Variants in MAP2K3 observed in about 807,000 individuals in gnomAD.
The protein encoded by MAP2K3 is dual specificity mitogen-activated protein kinase kinase 3.
A neutral mutation model predicts 46.4 loss-of-function variants in MAP2K3; 30 were observed. That is an observed-to-expected ratio of 0.65 (90% CI 0.48 to 0.88). MAP2K3 has a LOEUF of 0.88. Ranked by LOEUF, MAP2K3 falls within the 40% of genes least tolerant of loss-of-function variation. The probability of loss-of-function intolerance (pLI) is 0.00; values close to 1 mark genes in which losing one functional copy is unlikely to be tolerated. For synonymous variants in MAP2K3, 189 were observed against 176.3 expected (o/e 1.07, Z -0.57); for missense variants, 380 against 464.5 (o/e 0.82, Z 1.67).
In MAP2K3 at chr17:21,304,334, G is replaced by C. The variant is rs1031122516; in HGVS notation, c.569-92G>C. ...TGGGAGGGGGCACAGGAGGGGTCTT[G>C]GGCGAGGGAGGGGGGCACAGCTATG... On this transcript the variant is annotated intron_variant, in intron 7 of 11. Transcript: ENST00000342679. The C allele has an allele frequency of 1.4e-5, 23 of 1,598,384 alleles. No individual in the cohort carries two copies. In the Admixed American group the frequency reaches 3.7e-4, roughly 26 times the overall value.
rs1597815580 is a variant in MAP2K3 at position 21,300,247 on chromosome 17, AG to A, written c.166-297del. Among the ~76,000 whole-genome samples, 10 of 152,428 alleles carry A rather than the reference AG, an allele frequency of 6.6e-5. No individual in the cohort carries two copies. The East Asian group carries it at 1.9e-3, about 29-fold the overall frequency. On this transcript the variant is annotated intron_variant, in intron 3 of 11. Coordinates refer to ENST00000342679, the MANE Select transcript of MAP2K3 (RefSeq NM_145109.3). ...TAGCCAGCTGAGTGGGGTCGGGAAA[AG>A]AGGGACAGGGCACCTCTTTCTCAGA... is the stretch of plus-strand genomic sequence containing the variant.
At chr17:21,303,280 G>T (rs1976708373) in intron 7 of MAP2K3, 46 bp downstream of exon 7, 3 of 1,612,720 alleles carry the variant, frequency 1.9e-6, no homozygotes, top group Non-Finnish European at 2.5e-6. Context: ...CAGTGGGAGG[G>T]ATCCCAGGCC....
intron 3 of MAP2K3, among the ~76,000 whole-genome samples, chr17:21,299,159 A>T (rs1976445908): frequency 6.6e-6 from 1 of 152,304 alleles, no homozygotes; most frequent in Non-Finnish European, 1.5e-5. Flanking sequence ...GCGAGCCCAG[A>T]GCTGGTAGGA....
chr17:21,297,840 C>A (rs908909572), intron 1 of MAP2K3, among the ~76,000 whole-genome samples: 1 of 3,288 alleles, frequency 3.0e-4, no homozygotes, highest in Non-Finnish European at 7.1e-4. Flanking sequence ...GGGAGAGAAA[C>A]GGGCATCGGG....
In MAP2K3 at chr17:21,295,889, G is replaced by A. The variant is rs1040620310; in HGVS notation, c.50-2524G>A. ...ACCAAGAGCAGAGAGAGTGCAGGGA[G>A]GGTGTGGCGTGGACCCCACAGGGAA... On this transcript the variant is annotated intron_variant, in intron 1 of 11. Coordinates refer to ENST00000342679, the MANE Select transcript of MAP2K3 (RefSeq NM_145109.3). 2.4e-5 allele frequency: 31 copies of A among 1,279,064 alleles called. No individual in the cohort carries two copies. In the African/African-American group the frequency reaches 4.2e-4, roughly 18 times the overall value. The allele number at this position is 1,279,064 out of a possible 1,614,324, so 79.2% of individuals were successfully genotyped here.
rs55777930 is a variant in MAP2K3 at position 21,300,996 on chromosome 17, G to C, written c.399+3G>C. 1 of 1,600,008 alleles carries C rather than the reference G, an allele frequency of 6.2e-7. No homozygotes were observed. The highest frequency in any genetic ancestry group is 8.6e-7 in the Non-Finnish European group (1 of 1,167,312). ...TCTACGGGGCACTATTCAGAGAGGT[G>C]CGTCCTTGCATGATGCAGCTGGGGA... On this transcript the variant is annotated splice_donor_region_variant and intron_variant, in intron 5 of 11. Transcript: ENST00000342679.
At chr17:21,285,676 C>G (rs1975703723) in intron 1 of MAP2K3, among the ~76,000 whole-genome samples, 1 of 152,158 alleles carries the variant, frequency 6.6e-6, no homozygotes. Context: ...CGGCCTCTCT[C>G]TGTCTTGAGT....
intron 1 of MAP2K3, chr17:21,288,053 C>T (rs535059033): frequency 4.0e-5 from 51 of 1,289,182 alleles, no homozygotes; most frequent in Middle Eastern, 2.1e-4. Flanking sequence ...TCAGTTGGCC[C>T]GTGTGAGGAG....
chr17:21,301,806 G>T (rs1976616614), intron 5 of MAP2K3, among the ~76,000 whole-genome samples: 1 of 152,304 alleles, frequency 6.6e-6, no homozygotes, highest in African/African-American at 2.4e-5. Context: ...CGGTCAGCAG[G>T]GCCGGCTGTT....
At chr17:21,302,288 G>C (rs1442006410) in intron 6 of MAP2K3, 29 bp downstream of exon 6, 4 of 1,043,394 alleles carry the variant, frequency 3.8e-6, no homozygotes, top group Admixed American at 1.7e-5. Flanking sequence ...CTGGCGGGGG[G>C]TCCTAGGTGC....
rs527275067 is a variant in MAP2K3, at chr17:21,302,393, G to A, written c.516+134G>A. 4.6e-5 allele frequency: 45 copies of A among 980,126 alleles called. No homozygotes were observed. In the South Asian group the frequency reaches 6.0e-4, roughly 13 times the overall value. 60.7% of individuals were successfully genotyped at this position (980,126 alleles called of 1,614,324 possible). Reference sequence around the variant, plus strand: ...GCATCAATGTGCCCCCTGAACCTGGGCAGCTGCCCTGCATAGGCCCTTCTC... The same window carrying A: ...GCATCAATGTGCCCCCTGAACCTGGACAGCTGCCCTGCATAGGCCCTTCTC... On this transcript the variant is annotated intron_variant, in intron 6 of 11. Coordinates refer to ENST00000342679, the MANE Select transcript of MAP2K3 (RefSeq NM_145109.3).
chr17:21,300,556 G>C lies in MAP2K3; in HGVS notation c.177G>C (p.Val59=). 6.2e-7 allele frequency: 1 copy of C among 1,610,832 alleles called. No homozygotes were observed. Among genetic ancestry groups the C allele is most frequent in the South Asian group, 1.1e-5 (1 of 90,150 alleles). ...TTCCATCCTTCAAGAACTTTGAGGT[G>C]GAGGCTGATGACTTGGTGACCATCT... is the stretch of plus-strand genomic sequence containing the variant. ...FITIGDRNFE[V]EADDLVTISE... is the part of the protein sequence containing the mutation. The change falls in exon 4 of 12, where the codon GTG becomes GTC. Residue 59 remains valine, a synonymous_variant. Coordinates refer to ENST00000342679, the MANE Select transcript of MAP2K3 (RefSeq NM_145109.3).
intron 1 of MAP2K3, chr17:21,295,627 C>T (rs1567662331): frequency 7.8e-7 from 1 of 1,288,478 alleles, no homozygotes; most frequent in African/African-American, 1.5e-5. Flanking sequence ...GGGTGGCTTC[C>T]CCATGGAGCC....
chr17:21,308,482 TATAA>T (rs1306054692), intron 9 of MAP2K3, among the ~76,000 whole-genome samples: 1 of 152,290 alleles, frequency 6.6e-6, no homozygotes, highest in Non-Finnish European at 1.5e-5. Context: ...GCTGTAACTT[TATAA>T]ATAGTGTATC....
chr17:21,289,393 G>A (rs992884674), intron 1 of MAP2K3, among the ~76,000 whole-genome samples: 1 of 152,154 alleles, frequency 6.6e-6, no homozygotes, highest in Non-Finnish European at 1.5e-5. Context: ...GGAAGCAAGA[G>A]GGCCTGGGGT....
intron 1 of MAP2K3, among the ~76,000 whole-genome samples, chr17:21,286,278 G>T (rs1975720585): frequency 6.6e-6 from 1 of 152,258 alleles, no homozygotes; most frequent in African/African-American, 2.4e-5. Flanking sequence ...ACTGCTGGAA[G>T]TGCAGCCTCA....
At chr17:21,290,630 G>T (rs1211689403) in intron 1 of MAP2K3, among the ~76,000 whole-genome samples, 1 of 152,312 alleles carries the variant, frequency 6.6e-6, no homozygotes, top group South Asian at 2.1e-4. Flanking sequence ...CCATCACCAA[G>T]AACCCCGTTT....
intron 1 of MAP2K3, among the ~76,000 whole-genome samples, chr17:21,293,611 G>A (rs1976070965): frequency 1.3e-5 from 2 of 152,310 alleles, no homozygotes; most frequent in Non-Finnish European, 2.9e-5. Flanking sequence ...AGTCCCTGTA[G>A]GGTAGAGAGG....
intron 3 of MAP2K3, among the ~76,000 whole-genome samples, chr17:21,299,144 G>C (rs546630370): frequency 8.5e-3 from 1,287 of 151,796 alleles, no homozygotes; most frequent in African/African-American, 0.029. Context: ...CCTGACTGGA[G>C]CTTGGCGAGC....
Sources: allele counts gnomAD v4.1 joint callset (sites outside exome capture counted in the v4.1 genomes callset), GRCh38; gene constraint gnomAD v4.1.1; transcripts MANE v1.5; gene names NCBI Gene and HGNC (gene_info 2026-07-23, HGNC 2026-07-21).